Variants in CREB5 observed in about 807,000 individuals in gnomAD.
The protein encoded by CREB5 is cyclic AMP-responsive element-binding protein 5.
A neutral mutation model predicts 57.1 loss-of-function variants in CREB5; 19 were observed. The observed-to-expected ratio is 0.33, with a 90% CI of 0.23 to 0.49. CREB5 has a LOEUF of 0.49. Among genes scored for constraint, CREB5 ranks in the 20% least tolerant of loss-of-function variants. The pLI, the probability that CREB5 is intolerant of heterozygous loss-of-function variation, is 0.99. For synonymous variants in CREB5, 238 were observed against 238.3 expected (o/e 1.00, Z 0.01); for missense variants, 579 against 671.6 (o/e 0.86, Z 1.52).
At chr7:28,340,399 G>T (rs1048616895) in intron 1 of CREB5, among the ~76,000 whole-genome samples, 1 of 152,172 alleles carries the variant, frequency 6.6e-6, no homozygotes, top group Non-Finnish European at 1.5e-5. Flanking sequence ...AAGGCAGTGG[G>T]TTCCCTTCTG....
At chr7:28,548,833 G>A (rs936415999) in intron 4 of CREB5, among the ~76,000 whole-genome samples, 1 of 152,064 alleles carries the variant, frequency 6.6e-6, no homozygotes, top group African/African-American at 2.4e-5. Flanking sequence ...CTCAAACTTT[G>A]TCAGTTCCAG....
Position 28,507,953 on chromosome 7 carries a change from T to G in CREB5, c.291+216T>G, listed in dbSNP as rs118061360. Among the ~76,000 whole-genome samples, 948 of 152,360 alleles carry G rather than the reference T, an allele frequency of 6.2e-3. 6 individuals are homozygous for G. Among genetic ancestry groups the G allele is most frequent in the Middle Eastern group, 0.014 (4 of 294 alleles). On this transcript the variant is annotated intron_variant, in intron 4 of 10. Transcript: ENST00000357727. ...AATTTAGTCAAACTTACAGATTTTT[T>G]CTATTCTCAATCAGCTGTTTTACTT...
At chr7:28,474,349 T>C (rs189891165) in intron 1 of CREB5, among the ~76,000 whole-genome samples, 1 of 152,310 alleles carries the variant, frequency 6.6e-6, no homozygotes, top group East Asian at 1.9e-4. Flanking sequence ...AAATGCGAGA[T>C]GGGAGTCTTG....
At chr7:28,675,695 G>A (rs1800285863) in intron 5 of CREB5, among the ~76,000 whole-genome samples, 1 of 152,112 alleles carries the variant, frequency 6.6e-6, no homozygotes, top group South Asian at 2.1e-4. Flanking sequence ...GAGTTATGGG[G>A]CCTTCTAGAC....
At chr7:28,637,138 A>G (rs1335923760) in intron 5 of CREB5, among the ~76,000 whole-genome samples, 1 of 152,128 alleles carries the variant, frequency 6.6e-6, no homozygotes, top group Non-Finnish European at 1.5e-5. Flanking sequence ...TGGGTAACAG[A>G]ATGAAACCCT....
intron 7 of CREB5, among the ~76,000 whole-genome samples, chr7:28,788,185 G>A (rs967982690): frequency 6.6e-6 from 1 of 152,028 alleles, no homozygotes; most frequent in Non-Finnish European, 1.5e-5. Context: ...TAGTCTGTCC[G>A]GTACATTGTA....
intron 1 of CREB5, among the ~76,000 whole-genome samples, chr7:28,340,757 G>A (rs766351289): frequency 6.6e-6 from 1 of 152,162 alleles, no homozygotes; most frequent in Non-Finnish European, 1.5e-5. Flanking sequence ...GTTGATTTAG[G>A]ACCCCAGAAC....
intron 1 of CREB5, among the ~76,000 whole-genome samples, chr7:28,327,591 T>C (rs1277838959): frequency 1.3e-5 from 2 of 152,254 alleles, no homozygotes; most frequent in Non-Finnish European, 2.9e-5. Flanking sequence ...CCCTTCCCAC[T>C]TCTCCCATAA....
intron 4 of CREB5, among the ~76,000 whole-genome samples, chr7:28,547,517 C>T (rs947542136): frequency 3.3e-5 from 5 of 152,090 alleles, no homozygotes; most frequent in Non-Finnish European, 5.9e-5. Context: ...CTTAATGCCT[C>T]CAAGTGAGGC....
At chr7:28,578,700 C>T (rs933182772) in intron 5 of CREB5, among the ~76,000 whole-genome samples, 9 of 152,130 alleles carry the variant, frequency 5.9e-5, no homozygotes, top group Admixed American at 4.6e-4. Flanking sequence ...TTGGAGATAG[C>T]CTATGATGCC....
chr7:28,576,458 G>A (rs1795914260), intron 5 of CREB5, among the ~76,000 whole-genome samples: 1 of 152,196 alleles, frequency 6.6e-6, no homozygotes. Context: ...GGACTCAAAA[G>A]CACATGTTTC....
intron 1 of CREB5, among the ~76,000 whole-genome samples, chr7:28,375,079 G>A (rs964749035): frequency 1.1e-4 from 16 of 152,090 alleles, no homozygotes; most frequent in South Asian, 2.1e-4. Context: ...ACTAAAACTC[G>A]TTGAACTCAA....
intron 5 of CREB5, among the ~76,000 whole-genome samples, chr7:28,673,866 G>A (rs1282508390): frequency 6.6e-6 from 1 of 151,796 alleles, no homozygotes; most frequent in Non-Finnish European, 1.5e-5. Context: ...TAGAGACGGG[G>A]TCTCATCATG....
At chr7:28,324,873 T>G (rs1264709804) in intron 1 of CREB5, among the ~76,000 whole-genome samples, 1 of 152,228 alleles carries the variant, frequency 6.6e-6, no homozygotes, top group East Asian at 1.9e-4. Flanking sequence ...CCTATCTCAG[T>G]AAATAGCCCT....
At chr7:28,314,732 G>A (rs1016519908) in intron 1 of CREB5, among the ~76,000 whole-genome samples, 2 of 152,152 alleles carry the variant, frequency 1.3e-5, no homozygotes, top group Non-Finnish European at 2.9e-5. Flanking sequence ...CTTGCTCCAG[G>A]TCCCCAGTGT....
intron 5 of CREB5, among the ~76,000 whole-genome samples, chr7:28,689,854 C>T (rs1166612268): frequency 6.6e-6 from 1 of 151,452 alleles, no homozygotes; most frequent in East Asian, 1.9e-4. Flanking sequence ...GAAGGATGTG[C>T]AGGATCTCTT....
chr7:28,740,406 G>A (rs1416867342), intron 7 of CREB5, among the ~76,000 whole-genome samples: 1 of 152,122 alleles, frequency 6.6e-6, no homozygotes, highest in East Asian at 1.9e-4. Flanking sequence ...CGAAGTGCAG[G>A]TGAGGTCTTG....
At chr7:28,446,811 CA>C (rs895849884) in intron 1 of CREB5, among the ~76,000 whole-genome samples, 1 of 151,234 alleles carries the variant, frequency 6.6e-6, no homozygotes, top group African/African-American at 2.5e-5. Context: ...CAAAACAAAA[CA>C]AAAGTAAAAG....
At chr7:28,536,192 G>T (rs1315544981) in intron 4 of CREB5, among the ~76,000 whole-genome samples, 1 of 152,176 alleles carries the variant, frequency 6.6e-6, no homozygotes, top group Non-Finnish European at 1.5e-5. Context: ...GGTACACGAA[G>T]GGGGATGCTG....
Sources: gnomAD v4.1 joint callset for allele counts (sites outside exome capture counted in the v4.1 genomes callset) on GRCh38, gnomAD v4.1.1 for gene constraint, MANE v1.5 for transcripts, NCBI Gene and HGNC (gene_info 2026-07-23, HGNC 2026-07-21) for gene names.